KLRG2: variants seen among roughly 807,000 people sequenced by gnomAD.
The protein encoded by KLRG2 is killer cell lectin like receptor G2, also known as killer cell lectin-like receptor subfamily G member 2.
A neutral mutation model predicts 35.4 loss-of-function variants in KLRG2; 39 were observed. The observed-to-expected ratio is 1.10, with a 90% CI of 0.85 to 1.44. The LOEUF (loss-of-function observed/expected upper bound fraction) is 1.44, where lower values mean the gene tolerates loss of function less well. Ranked by LOEUF, KLRG2 falls within the 40% of genes most tolerant of loss-of-function variation. KLRG2 has a pLI of 0.00. For synonymous variants in KLRG2, 283 were observed against 265.8 expected, an observed-to-expected ratio of 1.06 and a Z score of -0.63; for missense variants, 632 against 570.9, an observed-to-expected ratio of 1.11 and a Z score of -1.09.
the KLRG2 span, among the ~76,000 whole-genome samples, chr7:139,434,697 A>AG: frequency 6.6e-6 from 1 of 152,236 alleles, no homozygotes; most frequent in Admixed American, 6.5e-5. Context: ...GTGTTCTTAC[A>AG]GGGGAAGTCA....
the KLRG2 span, among the ~76,000 whole-genome samples, chr7:139,430,734 T>C: frequency 6.6e-6 from 1 of 151,734 alleles, no homozygotes; most frequent in South Asian, 2.1e-4. Flanking sequence ...ACAGGCCAGG[T>C]GTGGTGGCTC....
chr7:139,483,182 G>A lies in KLRG2; in HGVS notation c.461C>T (p.Pro154Leu), dbSNP rs141268710. ...GGAGAAGGCAGGGGACTCGGGCACC[G>A]GCACCTTGAGGAAGCGCGTGGAGGG... ...PRPSTRFLKV[P>L]VPESPAFSRH... The change falls in exon 1 of 5, where the codon CCG becomes CTG. Residue 154 changes from proline to leucine, a missense_variant. By Grantham distance (98) the Pro-to-Leu change is moderately conservative (BLOSUM62 -3). Transcript: ENST00000340940. The A allele has an allele frequency of 2.1e-3, 3,188 of 1,507,568 alleles. 4 individuals are homozygous for A. The highest frequency in any genetic ancestry group is 2.5e-3 in the Non-Finnish European group (2,839 of 1,135,954). 93.4% of individuals were successfully genotyped at this position (1,507,568 alleles called of 1,614,324 possible).
chr7:139,452,503 C>T (rs1431976417), downstream of KLRG2, among the ~76,000 whole-genome samples: 1 of 151,360 alleles, frequency 6.6e-6, no homozygotes, highest in Non-Finnish European at 1.5e-5. Flanking sequence ...GACTCTCCAT[C>T]CCATTCTCCC....
chr7:139,429,575 C>CT, the KLRG2 span, among the ~76,000 whole-genome samples: 9 of 151,396 alleles, frequency 5.9e-5, no homozygotes, highest in African/African-American at 2.2e-4. Flanking sequence ...GGTGATGACT[C>CT]TTAACGAGCA....
Position 139,479,677 on chromosome 7 carries a change from C to G in KLRG2, c.955G>C (p.Ala319Pro). The change falls in exon 3 of 5, where the codon GCT becomes CCT. Residue 319 changes from alanine (A) to proline (P), a missense_variant. Coordinates refer to ENST00000340940, the MANE Select transcript of KLRG2 (RefSeq NM_198508.4). Reference sequence around the variant, plus strand: ...GTAGCGTGGTAGGCTGAGCAGAAAGCCTGGCTGGCTTCCCAGGCCTGCGCT... The same window carrying G: ...GTAGCGTGGTAGGCTGAGCAGAAAGGCTGGCTGGCTTCCCAGGCCTGCGCT... ...AEAQAWEASQ[A>P]FCSAYHATLP... 6.2e-7 allele frequency: 1 copy of G among 1,613,936 alleles called. No individual in the cohort carries two copies. The highest frequency in any genetic ancestry group is 1.7e-5 in the Admixed American group (1 of 60,012).
chr7:139,470,328 G>A (rs891309791), intron 3 of KLRG2, among the ~76,000 whole-genome samples: 3 of 152,108 alleles, frequency 2.0e-5, no homozygotes, highest in African/African-American at 7.2e-5. Flanking sequence ...GAATTGCTGG[G>A]ATTACAGGCA....
At chr7:139,471,857 G>C (rs528347261) in intron 3 of KLRG2, among the ~76,000 whole-genome samples, 2 of 152,168 alleles carry the variant, frequency 1.3e-5, no homozygotes, top group Non-Finnish European at 2.9e-5. Flanking sequence ...GAGGTGGCAC[G>C]AACAGAGGTG....
intron 2 of KLRG2, 26 bp from the exon 3 acceptor site, chr7:139,479,798 G>T (rs1033136278): frequency 1.9e-6 from 3 of 1,608,718 alleles, no homozygotes; most frequent in Non-Finnish European, 2.5e-6. Flanking sequence ...CTGCTGGTGA[G>T]CTGCAGGGTA....
chr7:139,437,325 T>C, the KLRG2 span, among the ~76,000 whole-genome samples: 1 of 146,298 alleles, frequency 6.8e-6, no homozygotes, highest in African/African-American at 2.5e-5. Context: ...CTCGGGAGGC[T>C]GAGATGGGAG....
intron 2 of KLRG2, 118 bp from the exon 3 acceptor site, chr7:139,479,890 C>G: frequency 1.6e-6 from 2 of 1,215,524 alleles, no homozygotes; most frequent in Non-Finnish European, 2.3e-6. Context: ...GGGCAGGGCC[C>G]CAGGGAGCTT....
At chr7:139,464,391 A>G (rs1796616671) in intron 3 of KLRG2, among the ~76,000 whole-genome samples, 1 of 152,246 alleles carries the variant, frequency 6.6e-6, no homozygotes, top group African/African-American at 2.4e-5. Flanking sequence ...TCCTAAAACC[A>G]GACAAGTATT....
chr7:139,449,887 G>A (rs1426518351), downstream of KLRG2, among the ~76,000 whole-genome samples: 1 of 147,890 alleles, frequency 6.8e-6, no homozygotes, highest in East Asian at 2.0e-4. Flanking sequence ...ATTTTTAGTA[G>A]AGACAGGGTT....
intron 3 of KLRG2, among the ~76,000 whole-genome samples, chr7:139,456,173 C>A (rs1403315931): frequency 6.6e-6 from 1 of 152,110 alleles, no homozygotes; most frequent in Non-Finnish European, 1.5e-5. Flanking sequence ...TTTAAGTCAA[C>A]AAAGACAAGC....
At chr7:139,464,062 T>A (rs1475709065) in intron 3 of KLRG2, among the ~76,000 whole-genome samples, 3 of 152,188 alleles carry the variant, frequency 2.0e-5, no homozygotes, top group Non-Finnish European at 4.4e-5. Context: ...CAAGACATTT[T>A]AACTAAATTA....
chr7:139,445,854 G>A, the KLRG2 span, among the ~76,000 whole-genome samples: 5 of 139,554 alleles, frequency 3.6e-5, no homozygotes, highest in South Asian at 2.2e-4. Flanking sequence ...TTTTTGAGAC[G>A]GAGTTTCACT....
At chr7:139,480,418 T>C (rs1328732523) in intron 1 of KLRG2, among the ~76,000 whole-genome samples, 171 bp from the exon 2 acceptor site, 4 of 149,568 alleles carry the variant, frequency 2.7e-5, no homozygotes. Flanking sequence ...CTTTATATTC[T>C]GGAGAAAGAA....
Position 139,463,688 on chromosome 7 carries a change from C to G in KLRG2, c.1006-9474G>C, listed in dbSNP as rs113011217. On this transcript the variant is annotated intron_variant, in intron 3 of 4. Transcript: ENST00000340940. ...TGTCCAAGTCACCCAGCAGCCAACCCCAGAGTCCCTGGAACTCCGGCCCAA... is the reference window on the plus strand; with the variant it reads ...TGTCCAAGTCACCCAGCAGCCAACCGCAGAGTCCCTGGAACTCCGGCCCAA... 3.6e-3 allele frequency among the ~76,000 whole-genome samples: 550 copies of G among 152,300 alleles called. 2 individuals carry two copies. Among genetic ancestry groups the G allele is most frequent in the African/African-American group, 0.012 (519 of 41,552 alleles).
chr7:139,432,550 C>T, the KLRG2 span, among the ~76,000 whole-genome samples: 5 of 149,418 alleles, frequency 3.3e-5, no homozygotes, highest in African/African-American at 1.2e-4. Context: ...CAGGACCCCC[C>T]CCCCCCAATA....
chr7:139,449,851 C>T (rs541775746), downstream of KLRG2, among the ~76,000 whole-genome samples: 11 of 151,414 alleles, frequency 7.3e-5, no homozygotes, highest in African/African-American at 9.7e-5. Context: ...AGGCGCCCAC[C>T]ACCACGCTTG....
Sources: gnomAD v4.1 joint callset for allele counts (sites outside exome capture counted in the v4.1 genomes callset) on GRCh38, gnomAD v4.1.1 for gene constraint, MANE v1.5 for transcripts, NCBI Gene and HGNC (gene_info 2026-07-23, HGNC 2026-07-21) for gene names.